The following ATF7IP variants were observed in gnomAD, a reference collection of about 807,000 sequenced individuals.
The protein encoded by ATF7IP is activating transcription factor 7 interacting protein.
Under a neutral mutation model 106.4 loss-of-function variants are expected in ATF7IP, and 23 were observed. The observed-to-expected ratio is 0.22, with a 90% confidence interval of 0.16 to 0.31. ATF7IP has a LOEUF of 0.31. Among genes scored for constraint, ATF7IP ranks in the 10% least tolerant of loss-of-function variants. The probability of loss-of-function intolerance (pLI) is 1.00; values close to 1 mark genes in which losing one functional copy is unlikely to be tolerated. For missense variants in ATF7IP, 1,334 were observed against 1,524.3 expected (o/e 0.88, Z 2.08); for synonymous variants, 542 against 539.0 (o/e 1.01, Z -0.08).
At chr12:14,431,600 T>G (rs1198806314) in intron 2 of ATF7IP, among the ~76,000 whole-genome samples, 1 of 152,204 alleles carries the variant, frequency 6.6e-6, no homozygotes, top group East Asian at 1.9e-4. Flanking sequence ...TTCACCATGT[T>G]AGCCAGGATG....
intron 1 of ATF7IP, among the ~76,000 whole-genome samples, chr12:14,417,517 G>A (rs7956414): frequency 0.52 from 79,485 of 151,762 alleles, 21,402 homozygotes; most frequent in African/African-American, 0.65. Context: ...TATTTTATAT[G>A]TATGGTCTAT....
Position 14,449,256 on chromosome 12 carries a change from G to A in ATF7IP, c.1995+2203G>A, listed in dbSNP as rs1347806143. On this transcript the variant is annotated intron_variant, in intron 6 of 14. Transcript: ENST00000261168. The stretch of plus-strand genomic sequence containing the variant: ...TGAAACTTTTTCCGTATGTTTTCTT[G>A]TAGGAATTTTATGGTTTTAGGTCTT... 2.6e-5 allele frequency among the ~76,000 whole-genome samples: 4 copies of A among 152,094 alleles called. No homozygotes were observed. The East Asian group carries it at 7.7e-4, about 29-fold the overall frequency.
chr12:14,463,054 A>G (rs925475659), intron 9 of ATF7IP, among the ~76,000 whole-genome samples: 8 of 152,074 alleles, frequency 5.3e-5, no homozygotes, highest in African/African-American at 1.9e-4. Flanking sequence ...TTGATCAGGT[A>G]TAATTTCAGC....
chr12:14,441,852 A>G (rs1232695036), intron 5 of ATF7IP, among the ~76,000 whole-genome samples: 2 of 152,138 alleles, frequency 1.3e-5, no homozygotes, highest in Non-Finnish European at 2.9e-5. Flanking sequence ...CATGATTGCA[A>G]ATATTTTCTC....
At chr12:14,452,610 A>AGT (rs1330900822) in intron 6 of ATF7IP, among the ~76,000 whole-genome samples, 1 of 152,136 alleles carries the variant, frequency 6.6e-6, no homozygotes, top group East Asian at 1.9e-4. Context: ...TAAGAGCGCT[A>AGT]GTCTATATCT....
At chr12:14,391,297 G>T (rs1939532905) in intron 1 of ATF7IP, among the ~76,000 whole-genome samples, 1 of 152,144 alleles carries the variant, frequency 6.6e-6, no homozygotes, top group Non-Finnish European at 1.5e-5. Flanking sequence ...GAGGTCTGAG[G>T]AGTTGCTTCT....
At chr12:14,464,555 C>G (rs1261925493) in intron 9 of ATF7IP, among the ~76,000 whole-genome samples, 1 of 152,060 alleles carries the variant, frequency 6.6e-6, no homozygotes, top group East Asian at 1.9e-4. Flanking sequence ...GGATTTTAAG[C>G]TATAATTTCT....
At chr12:14,440,018 T>G (rs531595689) in intron 5 of ATF7IP, among the ~76,000 whole-genome samples, 1 of 152,286 alleles carries the variant, frequency 6.6e-6, no homozygotes, top group South Asian at 2.1e-4. Flanking sequence ...CCAATCATCT[T>G]CTCTGCAAAT....
intron 1 of ATF7IP, among the ~76,000 whole-genome samples, chr12:14,396,764 A>G (rs928782181): frequency 9.8e-5 from 15 of 152,308 alleles, no homozygotes; most frequent in Middle Eastern, 3.4e-3. Flanking sequence ...AAAAACAGGA[A>G]TTTATTGAAT....
At chr12:14,375,494 C>T (rs949818812) in intron 1 of ATF7IP, among the ~76,000 whole-genome samples, 1 of 151,276 alleles carries the variant, frequency 6.6e-6, no homozygotes, top group Non-Finnish European at 1.5e-5. Context: ...TCCTCTTCCC[C>T]CACCAAACTT....
intron 1 of ATF7IP, chr12:14,385,361 A>G (rs1011369769): frequency 1.1e-4 from 169 of 1,533,090 alleles, no homozygotes; most frequent in Non-Finnish European, 1.4e-4. Flanking sequence ...GGCAGCAAGT[A>G]TGTCAGTGAG....
rs1050463953 is a variant in ATF7IP at position 14,437,996 on chromosome 12, T to C, written c.1792-134T>C. 1.1e-5 allele frequency: 8 copies of C among 710,872 alleles called. No homozygotes were observed. In the African/African-American group the frequency reaches 1.4e-4, roughly 13 times the overall value. The allele number at this position is 710,872 out of a possible 1,614,324, so 44.0% of individuals were successfully genotyped here. A position where few individuals can be genotyped will look rare whatever the true frequency, so the allele number is the denominator to read the frequency against. Reference sequence around the variant, plus strand: ...TGAACCCGGGAGGCGGAGCTTGCAGTGAGCCGAGATCCTGCCACTGCACTC... The same window carrying C: ...TGAACCCGGGAGGCGGAGCTTGCAGCGAGCCGAGATCCTGCCACTGCACTC... On this transcript the variant is annotated intron_variant, in intron 4 of 14. Transcript: ENST00000261168.
chr12:14,423,979 G>A lies in ATF7IP; in HGVS notation c.64G>A (p.Asp22Asn). ...FKARKTMRVS[D>N]RQQLEAVYKV... ...GGCTCGAAAAACGATGAGAGTGAGT[G>A]ATCGTCAGCAACTTGAAGCAGTGTA... is the stretch of plus-strand genomic sequence containing the variant. Residue 22 changes from aspartate to asparagine, a missense_variant, in exon 2 of 15, where the codon GAT becomes AAT. Around this residue, in one of 10 missense-constraint regions of ATF7IP, gnomAD observed 74 missense variants for 101.9 expected, o/e 0.73. Transcript: ENST00000261168. 6.2e-7 allele frequency: 1 copy of A among 1,614,042 alleles called. No homozygotes were observed. The highest frequency in any genetic ancestry group is 8.5e-7 in the Non-Finnish European group (1 of 1,179,990).
At chr12:14,366,649 G>A (rs543786404) in intron 1 of ATF7IP, among the ~76,000 whole-genome samples, 1 of 152,224 alleles carries the variant, frequency 6.6e-6, no homozygotes, top group South Asian at 2.1e-4. Flanking sequence ...TTTCTTAGGT[G>A]ACTTGTTCAT....
intron 1 of ATF7IP, among the ~76,000 whole-genome samples, chr12:14,392,014 C>T (rs896712204): frequency 2.0e-5 from 3 of 152,172 alleles, no homozygotes; most frequent in African/African-American, 7.2e-5. Context: ...AGCCACCATG[C>T]CTGGCCAAGT....
At chr12:14,381,996 TG>T (rs1167714763) in intron 1 of ATF7IP, among the ~76,000 whole-genome samples, 20 of 151,952 alleles carry the variant, frequency 1.3e-4, no homozygotes, top group African/African-American at 4.8e-4. Context: ...AAAAAAAAAT[TG>T]AATGCAGCCT....
intron 6 of ATF7IP, among the ~76,000 whole-genome samples, chr12:14,451,087 A>G (rs570181630): frequency 6.6e-6 from 1 of 151,952 alleles, no homozygotes; most frequent in East Asian, 1.9e-4. Context: ...TAATAATTAT[A>G]GATTTATTTA....
intron 1 of ATF7IP, among the ~76,000 whole-genome samples, chr12:14,367,855 T>A (rs1021266332): frequency 1.3e-5 from 2 of 152,098 alleles, no homozygotes; most frequent in East Asian, 3.8e-4. Flanking sequence ...TAGTACTTTG[T>A]CAATAACAAG....
At position 14,423,885 on chromosome 12, in the gene ATF7IP, CTCTCTT is replaced by C. The variant is rs1565497522; in HGVS notation, c.-7-16_-7-11del. ...GGTGGCTTCTGTTTCAGTTATTAAA[CTCTCTT>C]TCTCTTTTTTCTTAAAGATTCAGAA... On this transcript the variant is annotated intron_variant, in intron 1 of 14. Coordinates refer to ENST00000261168, the MANE Select transcript of ATF7IP (RefSeq NM_018179.5). 2 of 1,543,512 alleles carry C rather than the reference CTCTCTT, an allele frequency of 1.3e-6. No homozygotes were observed. The highest frequency in any genetic ancestry group is 8.7e-7 in the Non-Finnish European group (1 of 1,151,192).
Sources: gnomAD v4.1 joint callset for allele counts (sites outside exome capture counted in the v4.1 genomes callset) on GRCh38, gnomAD v4.1.1 for gene constraint, gnomAD v4.1.1 regional missense constraint, MANE v1.5 for transcripts, NCBI Gene and HGNC (gene_info 2026-07-23, HGNC 2026-07-21) for gene names.